TBC1D15: variants seen among roughly 807,000 people sequenced by gnomAD.
The protein encoded by TBC1D15 is GAP for RAB7.
TBC1D15 carries 39 observed loss-of-function variants against 95.4 expected under a neutral mutation model. That is an observed-to-expected ratio of 0.41 (90% confidence interval 0.32 to 0.53). The LOEUF (loss-of-function observed/expected upper bound fraction) is 0.53. Among genes scored for constraint, TBC1D15 ranks in the 20% least tolerant of loss-of-function variants. The probability of loss-of-function intolerance (pLI) is 0.29; values close to 1 mark genes in which losing one functional copy is unlikely to be tolerated. For missense variants in TBC1D15, 733 were observed against 794.3 expected, an observed-to-expected ratio of 0.92 and a Z score of 0.93; for synonymous variants, 258 against 261.3, an observed-to-expected ratio of 0.99 and a Z score of 0.12.
At chr12:71,850,984 CAA>C (rs1206992856) in intron 1 of TBC1D15, among the ~76,000 whole-genome samples, 763 of 46,888 alleles carry the variant, frequency 0.016, 9 homozygotes, top group African/African-American at 0.049. Context: ...CACTCCATCT[CAA>C]AAAAAAAAAA....
At chr12:71,867,899 T>C (rs929716977) in intron 1 of TBC1D15, among the ~76,000 whole-genome samples, 8 of 152,350 alleles carry the variant, frequency 5.3e-5, no homozygotes, top group African/African-American at 1.9e-4. Context: ...ATATTTAAGT[T>C]AAAACAATTA....
At chr12:71,893,424 A>G in intron 6 of TBC1D15, 100 bp downstream of exon 6, 1 of 594,758 alleles carries the variant, frequency 1.7e-6, no homozygotes, top group Non-Finnish European at 2.8e-6. Flanking sequence ...AGACAGGTAC[A>G]TATATATACA....
intron 1 of TBC1D15, among the ~76,000 whole-genome samples, chr12:71,865,393 G>A (rs1891273887): frequency 6.6e-6 from 1 of 152,092 alleles, no homozygotes; most frequent in Non-Finnish European, 1.5e-5. Context: ...TGGGGAGCAG[G>A]GTGTGGCTAC....
Position 71,840,256 on chromosome 12 carries a change from AGG to A in TBC1D15, c.30+446_30+447del, listed in dbSNP as rs1884611176. Reference sequence around the variant, plus strand: ...TGAAGATGTTTATGCTTCCTTCGGGAGGAGCTGAATAGATGCTAGGCAGCTAG... The same window carrying A: ...TGAAGATGTTTATGCTTCCTTCGGGAAGCTGAATAGATGCTAGGCAGCTAG... On this transcript the variant is annotated intron_variant, in intron 1 of 16. Coordinates refer to ENST00000485960, the MANE Select transcript of TBC1D15 (RefSeq NM_001146213.3). 5.3e-5 allele frequency among the ~76,000 whole-genome samples: 8 copies of A among 152,206 alleles called. No individual in the cohort carries two copies. In the South Asian group the frequency reaches 1.7e-3, roughly 32 times the overall value.
chr12:71,865,842 C>A (rs1235085899), intron 1 of TBC1D15, among the ~76,000 whole-genome samples: 1 of 152,084 alleles, frequency 6.6e-6, no homozygotes, highest in Non-Finnish European at 1.5e-5. Flanking sequence ...TATGCCCTTT[C>A]AGCTTTGGCC....
chr12:71,839,853 A>T (rs1884458481), intron 1 of TBC1D15, 42 bp downstream of exon 1: 1 of 1,613,468 alleles, frequency 6.2e-7, no homozygotes, highest in African/African-American at 1.3e-5. Flanking sequence ...TTTCTCTGGG[A>T]CGGGGATGCT....
In TBC1D15 at chr12:71,913,835, A is replaced by C. The variant is rs1376226380; in HGVS notation, c.1310A>C (p.Gln437Pro). 1 of 1,570,596 alleles carries C rather than the reference A, an allele frequency of 6.4e-7. No homozygotes were observed. The highest frequency in any genetic ancestry group is 8.6e-7 in the Non-Finnish European group (1 of 1,165,532). The change falls in exon 12 of 17, where the codon CAA (glutamine) becomes CCA (proline). Residue 437 changes from glutamine to proline, a missense_variant. Coordinates refer to ENST00000485960, the MANE Select transcript of TBC1D15 (RefSeq NM_001146213.3). ...TTTCTTTTCTTTTTAGGATATGTTC[A>C]AGGAATGAGTGATTTACTTTCCCCT... is the stretch of plus-strand genomic sequence containing the variant. ...CMYDFDLGYV[Q>P]GMSDLLSPLL...
In TBC1D15 at chr12:71,888,796, A is replaced by G. The variant is rs1896715630; in HGVS notation, c.554+3775A>G. 2.0e-5 allele frequency among the ~76,000 whole-genome samples: 3 copies of G among 149,822 alleles called. No homozygotes were observed. The Admixed American group carries it at 2.0e-4, about 10-fold the overall frequency. On this transcript the variant is annotated intron_variant, in intron 5 of 16. Coordinates refer to ENST00000485960, the MANE Select transcript of TBC1D15 (RefSeq NM_001146213.3). ...AAGGAGAGTGTCTTTAGAAGTGCTC[A>G]TTTCCTTTTGGAAATGTGAAGCCAT...
chr12:71,916,371 G>A (rs1903703316), intron 12 of TBC1D15, among the ~76,000 whole-genome samples: 1 of 152,140 alleles, frequency 6.6e-6, no homozygotes, highest in African/African-American at 2.4e-5. Context: ...GTCTTTGACT[G>A]TGTCACAGCA....
intron 1 of TBC1D15, among the ~76,000 whole-genome samples, chr12:71,846,228 C>T (rs1239273151): frequency 1.3e-5 from 2 of 152,196 alleles, no homozygotes; most frequent in African/African-American, 2.4e-5. Context: ...GTTTCTGTTG[C>T]TTTCAGCAGG....
chr12:71,855,844 GTTCTTCCA>G (rs1888932014), intron 1 of TBC1D15, among the ~76,000 whole-genome samples: 1 of 150,192 alleles, frequency 6.7e-6, no homozygotes, highest in Non-Finnish European at 1.5e-5. Flanking sequence ...TTAAAAAATG[GTTCTTCCA>G]TATCTTCTAC....
At chr12:71,877,841 C>T (rs756453192) in intron 3 of TBC1D15, among the ~76,000 whole-genome samples, 1 of 152,072 alleles carries the variant, frequency 6.6e-6, no homozygotes, top group Non-Finnish European at 1.5e-5. Flanking sequence ...TTTGCTCTGC[C>T]CCCACCTCAT....
intron 1 of TBC1D15, among the ~76,000 whole-genome samples, chr12:71,868,495 C>G (rs1159537131): frequency 3.3e-5 from 5 of 152,008 alleles, no homozygotes; most frequent in Admixed American, 3.3e-4. Flanking sequence ...ATCCACCCAC[C>G]TCGGCCTCCC....
chr12:71,860,966 TA>T (rs1177637394), intron 1 of TBC1D15, among the ~76,000 whole-genome samples: 1 of 152,214 alleles, frequency 6.6e-6, no homozygotes, highest in Non-Finnish European at 1.5e-5. Context: ...GAGATGATCG[TA>T]TGATTTTTAT....
At position 71,907,143 on chromosome 12, in the gene TBC1D15, G is replaced by A. The variant is rs745417776; in HGVS notation, c.1300+5G>A. 2.0e-6 allele frequency: 3 copies of A among 1,470,824 alleles called. No individual in the cohort carries two copies. The African/African-American group carries it at 4.2e-5, about 21-fold the overall frequency. 91.1% of individuals were successfully genotyped at this position (1,470,824 alleles called of 1,614,324 possible). A position where few individuals can be genotyped will look rare whatever the true frequency, so the allele number is the denominator to read the frequency against. On this transcript the variant is annotated splice_donor_5th_base_variant and intron_variant, in intron 11 of 16. Coordinates refer to ENST00000485960, the MANE Select transcript of TBC1D15 (RefSeq NM_001146213.3). The stretch of plus-strand genomic sequence containing the variant: ...GTATGTATGATTTTGATTTAGGTAA[G>A]TTCTCTAAAGTTCTAATTTTAAAAG...
intron 1 of TBC1D15, among the ~76,000 whole-genome samples, chr12:71,857,038 A>G (rs558568692): frequency 6.6e-6 from 1 of 152,180 alleles, no homozygotes; most frequent in Non-Finnish European, 1.5e-5. Context: ...TAATAAAAAT[A>G]TTACATAGCA....
At position 71,894,540 on chromosome 12, in the gene TBC1D15, A is replaced by G. The variant is rs1339494893; in HGVS notation, c.658-146A>G. On this transcript the variant is annotated intron_variant, in intron 6 of 16. Coordinates refer to ENST00000485960, the MANE Select transcript of TBC1D15 (RefSeq NM_001146213.3). ...TTTAAATTTTTCTTTGAAGAAAGAA[A>G]ATACAAATTTAAGATAATCTTAGAA... is the stretch of plus-strand genomic sequence containing the variant. 4 of 1,089,720 alleles carry G rather than the reference A, an allele frequency of 3.7e-6. No homozygotes were observed. In the African/African-American group the frequency reaches 6.4e-5, roughly 17 times the overall value. The allele number at this position is 1,089,720 out of a possible 1,614,324, so 67.5% of individuals were successfully genotyped here.
At chr12:71,848,379 T>C (rs944849811) in intron 1 of TBC1D15, among the ~76,000 whole-genome samples, 10 of 152,226 alleles carry the variant, frequency 6.6e-5, no homozygotes, top group Non-Finnish European at 2.9e-5. Flanking sequence ...ATTTTAGCCA[T>C]TCTAATAGGT....
chr12:71,861,263 G>C, intron 1 of TBC1D15: 1 of 418,252 alleles, frequency 2.4e-6, no homozygotes. Flanking sequence ...TTTTCTGGAA[G>C]AGTTTGGGAA....
Sources: allele counts gnomAD v4.1 joint callset (sites outside exome capture counted in the v4.1 genomes callset), GRCh38; gene constraint gnomAD v4.1.1; transcripts MANE v1.5; gene names NCBI Gene and HGNC (gene_info 2026-07-23, HGNC 2026-07-21).